The following CEP128 variants were observed in gnomAD, a reference collection of about 807,000 sequenced individuals.
CEP128 encodes centrosomal protein 128kDa.
Under a neutral mutation model 156.7 loss-of-function variants are expected in CEP128, and 132 were observed. The ratio of observed to expected loss-of-function variants is 0.84; its 90% CI spans 0.73 to 0.97. CEP128 has a LOEUF of 0.97. Ranked by LOEUF, CEP128 falls within the 50% of genes least tolerant of loss-of-function variation. The probability of loss-of-function intolerance (pLI) is 0.00; values close to 1 mark genes in which losing one functional copy is unlikely to be tolerated. For synonymous variants in CEP128, 469 were observed against 448.9 expected, an observed-to-expected ratio of 1.04 and a Z score of -0.57; for missense variants, 1,252 against 1,281.9, an observed-to-expected ratio of 0.98 and a Z score of 0.36.
chr14:80,733,788 C>T (rs764357942), intron 19 of CEP128, among the ~76,000 whole-genome samples: 1 of 152,002 alleles, frequency 6.6e-6, no homozygotes, highest in African/African-American at 2.4e-5. Context: ...TTATGTAAAC[C>T]ATTCTGGACT....
intron 18 of CEP128, among the ~76,000 whole-genome samples, chr14:80,743,670 T>C (rs1179741130): frequency 1.3e-5 from 2 of 152,138 alleles, no homozygotes; most frequent in Non-Finnish European, 2.9e-5. Flanking sequence ...TTTTAAAAGA[T>C]AAAATTCCTA....
chr14:80,608,129 G>A (rs1016838865), intron 19 of CEP128, among the ~76,000 whole-genome samples: 3 of 152,150 alleles, frequency 2.0e-5, no homozygotes, highest in Non-Finnish European at 4.4e-5. Context: ...GATCTAAAAC[G>A]ATGTAAAGTC....
chr14:80,849,335 C>A (rs1886771199), intron 9 of CEP128, among the ~76,000 whole-genome samples: 1 of 152,140 alleles, frequency 6.6e-6, no homozygotes, highest in Non-Finnish European at 1.5e-5. Context: ...AAACTGGGAG[C>A]TCCAGAGACC....
chr14:80,706,075 A>G (rs1464886150), intron 19 of CEP128, among the ~76,000 whole-genome samples: 3 of 152,150 alleles, frequency 2.0e-5, no homozygotes, highest in Non-Finnish European at 4.4e-5. Context: ...TTGCAAAATA[A>G]TGATATTCCG....
Position 80,777,980 on chromosome 14 carries a change from G to A in CEP128, c.2278C>T (p.Gln760Ter). 1 of 1,613,100 alleles carries A rather than the reference G, an allele frequency of 6.2e-7. No individual in the cohort carries two copies. The highest frequency in any genetic ancestry group is 2.2e-5 in the East Asian group (1 of 44,812). The change falls in exon 16 of 25, where the codon CAG becomes TAG. Residue 760 changes from glutamine to a stop codon, truncating the protein, a stop_gained. Transcript: ENST00000555265. LOFTEE classifies it high-confidence loss of function. Reference sequence around the variant, plus strand: ...AATTCCTCTGTCAGTCTGTCACACTGTGATTTCAACTTCTCCAGCTGACCA... The same window carrying A: ...AATTCCTCTGTCAGTCTGTCACACTATGATTTCAACTTCTCCAGCTGACCA... ...HRGQLEKLKSQCDRLTEELTQ... is the reference protein window; with the variant it reads ...HRGQLEKLKS
intron 23 of CEP128, among the ~76,000 whole-genome samples, chr14:80,514,995 G>A (rs1888423771): frequency 6.6e-6 from 1 of 152,174 alleles, no homozygotes; most frequent in African/African-American, 2.4e-5. Context: ...TAGAGGTATT[G>A]CGTGGCGGTC....
chr14:80,579,886 A>G (rs1482980838), intron 20 of CEP128, among the ~76,000 whole-genome samples: 1 of 152,218 alleles, frequency 6.6e-6, no homozygotes, highest in East Asian at 1.9e-4. Context: ...AATCTTTCTA[A>G]CACCATTTTC....
intron 1 of CEP128, among the ~76,000 whole-genome samples, chr14:80,941,086 A>C (rs941042323): frequency 5.3e-5 from 8 of 152,234 alleles, no homozygotes; most frequent in African/African-American, 1.9e-4. Flanking sequence ...CTAACAGCTA[A>C]GGCTGGAGCA....
chr14:80,573,442 A>G (rs1159014644), intron 20 of CEP128, among the ~76,000 whole-genome samples: 2 of 152,262 alleles, frequency 1.3e-5, no homozygotes, highest in South Asian at 2.1e-4. Context: ...GCATGTTTTT[A>G]TATTTCTTTT....
intron 8 of CEP128, among the ~76,000 whole-genome samples, chr14:80,886,457 A>C (rs1888805641): frequency 6.6e-6 from 1 of 152,206 alleles, no homozygotes; most frequent in Non-Finnish European, 1.5e-5. Flanking sequence ...AAGCCAAAAG[A>C]GAGTGGGGGC....
chr14:80,635,399 T>TA (rs562659108), intron 19 of CEP128, among the ~76,000 whole-genome samples: 18 of 151,862 alleles, frequency 1.2e-4, no homozygotes, highest in South Asian at 1.0e-3. Flanking sequence ...CCACTGGGGG[T>TA]AAAAAAAGAA....
chr14:80,562,943 C>T (rs1316252206), intron 20 of CEP128, among the ~76,000 whole-genome samples: 1 of 151,978 alleles, frequency 6.6e-6, no homozygotes, highest in Admixed American at 6.6e-5. Flanking sequence ...GGATTACAGG[C>T]ATGAACCACC....
chr14:80,785,323 A>G lies in CEP128; in HGVS notation c.1783T>C (p.Leu595=). The G allele has an allele frequency of 1.2e-6, 2 of 1,614,118 alleles. No individual in the cohort carries two copies. Among genetic ancestry groups the G allele is most frequent in the African/African-American group, 1.3e-5 (1 of 75,030 alleles). The change falls in exon 15 of 25, where the codon TTG becomes CTG. Residue 595 remains leucine, a synonymous_variant. Transcript: ENST00000555265. The part of the protein sequence containing the change: ...LDTIHRLESE[L]KKQSKIQSQM... ...CTTTGGATCTTACTCTGCTTTTTCA[A>G]TTCGCTCTCCAGTCTATGGATGGTA...
At chr14:80,952,719 C>T (rs948025702) in intron 2 of CEP128, among the ~76,000 whole-genome samples, 1 of 151,816 alleles carries the variant, frequency 6.6e-6, no homozygotes, top group Non-Finnish European at 1.5e-5. Context: ...CAAAAATTTG[C>T]TTCTTTGAGA....
At chr14:80,623,009 T>C (rs1401073107) in intron 19 of CEP128, among the ~76,000 whole-genome samples, 2 of 152,138 alleles carry the variant, frequency 1.3e-5, no homozygotes, top group Non-Finnish European at 2.9e-5. Context: ...CACATGCACA[T>C]GTATGTTTAT....
chr14:80,664,434 A>C (rs1393717965), intron 19 of CEP128, among the ~76,000 whole-genome samples: 1 of 152,126 alleles, frequency 6.6e-6, no homozygotes, highest in Non-Finnish European at 1.5e-5. Context: ...GGACATAGCC[A>C]GCAAGCTGAT....
intron 3 of CEP128, among the ~76,000 whole-genome samples, chr14:80,916,123 G>A (rs1436133627): frequency 2.0e-5 from 3 of 152,182 alleles, no homozygotes; most frequent in Admixed American, 2.0e-4. Context: ...CACAAGATAA[G>A]AAATGTGGGC....
chr14:80,580,576 C>T (rs1246105917), intron 19 of CEP128, among the ~76,000 whole-genome samples, 153 bp from the exon 20 acceptor site: 2 of 152,134 alleles, frequency 1.3e-5, no homozygotes, highest in Non-Finnish European at 2.9e-5. Flanking sequence ...AAGAAACACG[C>T]TCTGATCCCA....
rs28658278 is a variant in CEP128, at chr14:80,914,526, G to A, written c.148-118C>T. On this transcript the variant is annotated intron_variant, in intron 3 of 24. Coordinates refer to ENST00000555265, the MANE Select transcript of CEP128 (RefSeq NM_152446.5). The stretch of plus-strand genomic sequence containing the variant: ...TGTAAAATGTACAACTTTTATCATG[G>A]CTGAGTTGAATATCAATGTACTTCA... The A allele has an allele frequency of 0.014, 9,735 of 711,920 alleles. 676 individuals are homozygous for A. The African/African-American group carries it at 0.15, about 11-fold the overall frequency. 44.1% of individuals were successfully genotyped at this position (711,920 alleles called of 1,614,324 possible). A position where few individuals can be genotyped will look rare whatever the true frequency, so the allele number is the denominator to read the frequency against.
Sources: gnomAD v4.1 joint callset for allele counts (sites outside exome capture counted in the v4.1 genomes callset) on GRCh38, gnomAD v4.1.1 for gene constraint, MANE v1.5 for transcripts, NCBI Gene and HGNC (gene_info 2026-07-23, HGNC 2026-07-21) for gene names.